SLC1A1: variants seen among roughly 807,000 people sequenced by gnomAD.
SLC1A1 encodes excitatory amino acid transporter 3.
In SLC1A1, 43 loss-of-function variants were observed where a neutral mutation model predicts 53.3. The observed-to-expected ratio is 0.81, with a 90% CI of 0.63 to 1.04. The LOEUF is 1.04. Ranked by LOEUF, SLC1A1 falls within the 50% of genes least tolerant of loss-of-function variation. The probability of loss-of-function intolerance (pLI) is 0.00; values close to 1 mark genes in which losing one functional copy is unlikely to be tolerated. For missense variants in SLC1A1, 748 were observed against 664.9 expected (o/e 1.12, Z -1.37); for synonymous variants, 307 against 243.2 (o/e 1.26, Z -2.44).
intron 1 of SLC1A1, among the ~76,000 whole-genome samples, chr9:4,535,441 G>C (rs919484691): frequency 4.6e-5 from 7 of 152,106 alleles, no homozygotes; most frequent in African/African-American, 1.7e-4. Flanking sequence ...CAAATCATGA[G>C]TGAACTCCCA....
intron 2 of SLC1A1, among the ~76,000 whole-genome samples, chr9:4,547,288 A>G (rs10815019): frequency 0.35 from 52,750 of 152,140 alleles, 9,544 homozygotes; most frequent in African/African-American, 0.45. Context: ...TTCCACTGAC[A>G]TAGCCCAGCT....
At chr9:4,574,321 T>C (rs1242027330) in intron 8 of SLC1A1, among the ~76,000 whole-genome samples, 1 of 152,202 alleles carries the variant, frequency 6.6e-6, no homozygotes, top group Non-Finnish European at 1.5e-5. Flanking sequence ...CCCTTGGCTC[T>C]CTCCTGGCCT....
intron 1 of SLC1A1, among the ~76,000 whole-genome samples, chr9:4,499,992 G>A (rs1367706723): frequency 6.6e-6 from 1 of 152,204 alleles, no homozygotes; most frequent in East Asian, 1.9e-4. Flanking sequence ...GTATGCATGT[G>A]AGAGCACTTG....
At chr9:4,532,198 T>C (rs1816497452) in intron 1 of SLC1A1, among the ~76,000 whole-genome samples, 2 of 152,088 alleles carry the variant, frequency 1.3e-5, no homozygotes, top group African/African-American at 4.8e-5. Context: ...GGAACAAAGC[T>C]GGAGGGAGAA....
At chr9:4,536,746 A>G (rs912037030) in intron 1 of SLC1A1, among the ~76,000 whole-genome samples, 2 of 152,240 alleles carry the variant, frequency 1.3e-5, no homozygotes, top group East Asian at 3.9e-4. Flanking sequence ...ATGCACATGT[A>G]TGTTTATTGC....
At chr9:4,565,674 A>G (rs1389425993) in intron 4 of SLC1A1, among the ~76,000 whole-genome samples, 1 of 152,208 alleles carries the variant, frequency 6.6e-6, no homozygotes, top group Admixed American at 6.5e-5. Flanking sequence ...ACAATTTGAC[A>G]TGAGATTTGG....
At chr9:4,497,693 C>A (rs1172726496) in intron 1 of SLC1A1, among the ~76,000 whole-genome samples, 1 of 152,146 alleles carries the variant, frequency 6.6e-6, no homozygotes, top group Non-Finnish European at 1.5e-5. Flanking sequence ...GCATGTTGAT[C>A]TTTTCTTTCT....
At chr9:4,490,930 A>G (rs923341792) in intron 1 of SLC1A1, among the ~76,000 whole-genome samples, 160 bp downstream of exon 1, 2 of 151,938 alleles carry the variant, frequency 1.3e-5, no homozygotes, top group Admixed American at 1.3e-4. Context: ...GCTTTCCCCC[A>G]AGCGCTCTAA....
Position 4,556,567 on chromosome 9 carries a change from G to A in SLC1A1, c.233-4882G>A, listed in dbSNP as rs1049101042. Among the ~76,000 whole-genome samples the A allele has an allele frequency of 1.3e-5, 2 of 152,112 alleles. No homozygotes were observed. Among genetic ancestry groups the A allele is most frequent in the Non-Finnish European group, 2.9e-5 (2 of 68,026 alleles). ...TGGCCTGAGAGCAAGAAACCCGGGG[G>A]TCCATTGAGAATAAAAACTCAGAAC... On this transcript the variant is annotated intron_variant, in intron 2 of 11. Coordinates refer to ENST00000262352, the MANE Select transcript of SLC1A1 (RefSeq NM_004170.6). The surrounding 1 kb of genome is among the most constrained non-coding windows in gnomAD (Gnocchi z 4.1).
chr9:4,555,715 C>T (rs943515538), intron 2 of SLC1A1, among the ~76,000 whole-genome samples: 88 of 152,302 alleles, frequency 5.8e-4, no homozygotes, highest in African/African-American at 2.1e-3. Flanking sequence ...GAACTGGAAT[C>T]GTGCTCTTCT....
intron 2 of SLC1A1, among the ~76,000 whole-genome samples, 183 bp downstream of exon 2, chr9:4,544,890 T>C (rs748259162): frequency 1.3e-5 from 2 of 152,140 alleles, no homozygotes; most frequent in African/African-American, 4.8e-5. Flanking sequence ...GACAACCTCC[T>C]TCACAAGGTG....
At chr9:4,491,401 G>A (rs556082609) in intron 1 of SLC1A1, among the ~76,000 whole-genome samples, 2 of 152,234 alleles carry the variant, frequency 1.3e-5, no homozygotes, top group Non-Finnish European at 1.5e-5. Context: ...TGCCACTGTG[G>A]CCCGCGGGAG....
At chr9:4,515,432 C>T (rs1160532792) in intron 1 of SLC1A1, among the ~76,000 whole-genome samples, 1 of 152,068 alleles carries the variant, frequency 6.6e-6, no homozygotes, top group Non-Finnish European at 1.5e-5. Context: ...TTTGTTGGGT[C>T]TCATGTGCAG....
At chr9:4,561,662 T>G in intron 3 of SLC1A1, 121 bp downstream of exon 3, 1 of 754,796 alleles carries the variant, frequency 1.3e-6, no homozygotes, top group South Asian at 1.4e-5. Flanking sequence ...GAGGCTGATG[T>G]GGGCAGATCC....
At position 4,549,173 on chromosome 9, in the gene SLC1A1, C is replaced by T. The variant is rs1817723570; in HGVS notation, c.232+4466C>T. On this transcript the variant is annotated intron_variant, in intron 2 of 11. Coordinates refer to ENST00000262352, the MANE Select transcript of SLC1A1 (RefSeq NM_004170.6). The surrounding 1 kb of genome is among the most constrained non-coding windows in gnomAD (Gnocchi z 4.1). ...GTCCCGCTCCCAGAGGTCCCCTGAG[C>T]ATCCTTCCCGGATGCTCATAACTTT... Among the ~76,000 whole-genome samples the T allele has an allele frequency of 6.6e-6, 1 of 152,166 alleles. No individual in the cohort carries two copies. Among genetic ancestry groups the T allele is most frequent in the Non-Finnish European group, 1.5e-5 (1 of 68,022 alleles).
chr9:4,530,413 G>A (rs776466687), intron 1 of SLC1A1, among the ~76,000 whole-genome samples: 1 of 152,300 alleles, frequency 6.6e-6, no homozygotes, highest in African/African-American at 2.4e-5. Flanking sequence ...AGATCCAAGC[G>A]TCCTGGGAGA....
intron 1 of SLC1A1, among the ~76,000 whole-genome samples, chr9:4,534,751 CAAAG>C (rs1816609439): frequency 6.6e-6 from 1 of 152,054 alleles, no homozygotes; most frequent in Non-Finnish European, 1.5e-5. Flanking sequence ...AGAGACACAA[CAAAG>C]AAAGAGAATT....
Position 4,570,707 on chromosome 9 carries a change from G to A in SLC1A1, c.583-1497G>A, listed in dbSNP as rs1203456494. Among the ~76,000 whole-genome samples the A allele has an allele frequency of 2.6e-5, 4 of 152,064 alleles. No homozygotes were observed. In the South Asian group the frequency reaches 8.3e-4, roughly 32 times the overall value. On this transcript the variant is annotated intron_variant, in intron 6 of 11. Coordinates refer to ENST00000262352, the MANE Select transcript of SLC1A1 (RefSeq NM_004170.6). ...TTATAAACATAGTTGGCACCACTCA[G>A]TTATCTCTCTGTAAATCTCAGGCTA...
intron 1 of SLC1A1, among the ~76,000 whole-genome samples, chr9:4,526,388 G>C (rs1022816334): frequency 1.3e-5 from 2 of 152,140 alleles, no homozygotes; most frequent in Non-Finnish European, 2.9e-5. Flanking sequence ...CACAAGGCAA[G>C]AGAATACATC....
Sources: gnomAD v4.1 joint callset for allele counts (sites outside exome capture counted in the v4.1 genomes callset) on GRCh38, gnomAD v4.1.1 for gene constraint, Gnocchi (gnomAD v3.1) non-coding constraint, MANE v1.5 for transcripts, NCBI Gene and HGNC (gene_info 2026-07-23, HGNC 2026-07-21) for gene names.